EPHA5: variants seen among roughly 807,000 people sequenced by gnomAD.
The protein encoded by EPHA5 is EPH receptor A5.
In EPHA5, 60 loss-of-function variants were observed where a neutral mutation model predicts 105.0. That is an observed-to-expected ratio of 0.57 (90% CI 0.46 to 0.71). The LOEUF is 0.71. Ranked by LOEUF, EPHA5 falls within the 30% of genes least tolerant of loss-of-function variation. The probability of loss-of-function intolerance (pLI) is 0.00; values close to 1 mark genes in which losing one functional copy is unlikely to be tolerated. For synonymous variants in EPHA5, 513 were observed against 449.1 expected (o/e 1.14, Z -1.80); for missense variants, 1,218 against 1,274.7 (o/e 0.96, Z 0.68).
At chr4:65,625,139 T>C (rs1228430686) in intron 2 of EPHA5, among the ~76,000 whole-genome samples, 1 of 152,120 alleles carries the variant, frequency 6.6e-6, no homozygotes, top group South Asian at 2.1e-4. Flanking sequence ...TCTCATATGA[T>C]ATAACATATT....
intron 3 of EPHA5, among the ~76,000 whole-genome samples, chr4:65,533,622 C>A (rs140824555): frequency 1.3e-5 from 2 of 152,160 alleles, no homozygotes; most frequent in African/African-American, 4.8e-5. Context: ...TTCCACCACA[C>A]AAGTCCTTTA....
At chr4:65,539,128 C>T (rs1482534754) in intron 3 of EPHA5, among the ~76,000 whole-genome samples, 4 of 151,644 alleles carry the variant, frequency 2.6e-5, no homozygotes, top group African/African-American at 9.7e-5. Context: ...AATAAGCCAA[C>T]TGTAGGTGGA....
intron 3 of EPHA5, among the ~76,000 whole-genome samples, chr4:65,511,769 A>G (rs1181884457): frequency 5.3e-5 from 8 of 152,198 alleles, no homozygotes; most frequent in African/African-American, 1.4e-4. Flanking sequence ...TTAATATCTC[A>G]GACTAATACT....
At chr4:65,462,362 CTATT>C (rs1422536980) in intron 5 of EPHA5, among the ~76,000 whole-genome samples, 4 of 152,110 alleles carry the variant, frequency 2.6e-5, no homozygotes, top group African/African-American at 9.7e-5. Flanking sequence ...ATGATATTGA[CTATT>C]TATTTACCAA....
chr4:65,467,250 TTGTC>T (rs1728809983), intron 5 of EPHA5, among the ~76,000 whole-genome samples: 1 of 152,152 alleles, frequency 6.6e-6, no homozygotes, highest in South Asian at 2.1e-4. Flanking sequence ...AAAAGAGAGT[TTGTC>T]TGCTCAGAGA....
At chr4:65,389,970 G>A (rs560227212) in intron 8 of EPHA5, among the ~76,000 whole-genome samples, 1 of 150,452 alleles carries the variant, frequency 6.6e-6, no homozygotes, top group African/African-American at 2.4e-5. Flanking sequence ...TAGTAAGGGG[G>A]AAAAAAAAAC....
At chr4:65,407,885 A>G (rs1282737883) in intron 7 of EPHA5, among the ~76,000 whole-genome samples, 1 of 151,832 alleles carries the variant, frequency 6.6e-6, no homozygotes, top group Non-Finnish European at 1.5e-5. Flanking sequence ...CCTTCCGAGT[A>G]GCTGGGACTA....
rs373719926 is a variant in EPHA5, at chr4:65,601,747, G to C, written c.804C>G (p.Thr268=). ...VSGSCVNHSV[T]DEPPKMHCSA... is the part of the protein sequence containing the mutation. Reference sequence around the variant, plus strand: ...TGCAGTGCATTTTGGGAGGTTCATCGGTCACAGAATGGTTGACACAGGAGC... The same window carrying C: ...TGCAGTGCATTTTGGGAGGTTCATCCGTCACAGAATGGTTGACACAGGAGC... Residue 268 remains threonine (T), a synonymous_variant, in exon 3 of 17, where the codon ACC becomes ACG. Coordinates refer to ENST00000613740, the MANE Select transcript of EPHA5 (RefSeq NM_001281766.3). 9 of 1,613,934 alleles carry C rather than the reference G, an allele frequency of 5.6e-6. No homozygotes were observed. The highest frequency in any genetic ancestry group is 7.6e-6 in the Non-Finnish European group (9 of 1,180,010).
chr4:65,334,611 G>C (rs77857874), intron 15 of EPHA5, among the ~76,000 whole-genome samples: 1 of 151,964 alleles, frequency 6.6e-6, no homozygotes, highest in Non-Finnish European at 1.5e-5. Context: ...CTAGAGTCAG[G>C]ATATGCACAT....
intron 1 of EPHA5, among the ~76,000 whole-genome samples, chr4:65,666,306 C>T (rs1285052990): frequency 1.3e-5 from 2 of 152,162 alleles, no homozygotes; most frequent in Non-Finnish European, 1.5e-5. Context: ...CTGACTGTAG[C>T]TTCAATGAAT....
chr4:65,508,610 A>G (rs931244742), intron 3 of EPHA5, among the ~76,000 whole-genome samples: 1 of 152,154 alleles, frequency 6.6e-6, no homozygotes, highest in African/African-American at 2.4e-5. Context: ...CATGTAGTAT[A>G]AAAAGCATTC....
intron 2 of EPHA5, among the ~76,000 whole-genome samples, chr4:65,634,994 G>C (rs1479511282): frequency 1.3e-5 from 2 of 151,852 alleles, no homozygotes; most frequent in Admixed American, 1.3e-4. Flanking sequence ...ACACAAACAT[G>C]CACACTATTG....
At chr4:65,354,129 G>T (rs1001722705) in intron 11 of EPHA5, among the ~76,000 whole-genome samples, 9 of 151,692 alleles carry the variant, frequency 5.9e-5, no homozygotes, top group Admixed American at 2.0e-4. Context: ...TCATAGGGTT[G>T]TTGCGAGTAT....
At chr4:65,647,099 C>T (rs866743385) in intron 1 of EPHA5, among the ~76,000 whole-genome samples, 8 of 151,746 alleles carry the variant, frequency 5.3e-5, no homozygotes, top group South Asian at 2.1e-4. Context: ...GAGGCTGAGG[C>T]GGGTGGATCA....
At chr4:65,407,944 T>G (rs1228274602) in intron 7 of EPHA5, among the ~76,000 whole-genome samples, 1 of 151,964 alleles carries the variant, frequency 6.6e-6, no homozygotes, top group Non-Finnish European at 1.5e-5. Flanking sequence ...TTTTTTGTTT[T>G]TATTGTGAAG....
chr4:65,397,649 C>T (rs1473690851), intron 8 of EPHA5, among the ~76,000 whole-genome samples: 1 of 151,566 alleles, frequency 6.6e-6, no homozygotes, highest in Non-Finnish European at 1.5e-5. Context: ...GTATAATACT[C>T]ACACTTGATC....
chr4:65,568,072 A>G (rs760256078), intron 3 of EPHA5, among the ~76,000 whole-genome samples: 2 of 151,574 alleles, frequency 1.3e-5, no homozygotes, highest in Admixed American at 6.6e-5. Context: ...AACTTCATGT[A>G]AAGGCTCTCT....
intron 11 of EPHA5, among the ~76,000 whole-genome samples, chr4:65,360,732 TAA>T (rs991793001): frequency 6.6e-6 from 1 of 151,658 alleles, no homozygotes; most frequent in African/African-American, 2.4e-5. Context: ...TTTATATAAT[TAA>T]GTTTTTAAAT....
chr4:65,650,559 C>CA (rs59357895), intron 1 of EPHA5, among the ~76,000 whole-genome samples: 27,877 of 116,994 alleles, frequency 0.24, 3,824 homozygotes, highest in Non-Finnish European at 0.27. Context: ...GACTCAGTCT[C>CA]AAAAAAAAAA....
Sources: gnomAD v4.1 joint callset for allele counts (sites outside exome capture counted in the v4.1 genomes callset) on GRCh38, gnomAD v4.1.1 for gene constraint, MANE v1.5 for transcripts, NCBI Gene and HGNC (gene_info 2026-07-23, HGNC 2026-07-21) for gene names.